The following TRPM7 variants were observed in gnomAD, a reference collection of about 807,000 sequenced individuals.
The protein encoded by TRPM7 is transient receptor potential cation channel subfamily M member 7, also known as LTRPC ion channel family member 7.
A neutral mutation model predicts 229.7 loss-of-function variants in TRPM7; 134 were observed. The observed-to-expected ratio is 0.58, with a 90% CI of 0.51 to 0.67. The LOEUF (loss-of-function observed/expected upper bound fraction) is 0.67. TRPM7 is among the 30% of genes least tolerant of loss of function. The pLI, the probability that TRPM7 is intolerant of heterozygous loss-of-function variation, is 0.00. For synonymous variants in TRPM7, 699 were observed against 715.2 expected (o/e 0.98, Z 0.36); for missense variants, 1,901 against 2,210.0 (o/e 0.86, Z 2.80).
chr15:50,629,805 T>C (rs1353921412), intron 10 of TRPM7, among the ~76,000 whole-genome samples: 2 of 150,522 alleles, frequency 1.3e-5, no homozygotes, highest in Non-Finnish European at 3.0e-5. Context: ...CAGTGGTTAA[T>C]ACACAGAAAA....
At chr15:50,657,657 G>A (rs946582356) in intron 3 of TRPM7, 124 bp downstream of exon 3, 22 of 813,714 alleles carry the variant, frequency 2.7e-5, no homozygotes, top group Non-Finnish European at 4.1e-5. Context: ...TCCAAGTCTA[G>A]GTAAAGTACC....
At chr15:50,636,070 A>G (rs56067915) in intron 7 of TRPM7, among the ~76,000 whole-genome samples, 6 of 151,712 alleles carry the variant, frequency 4.0e-5, no homozygotes, top group Non-Finnish European at 8.8e-5. Context: ...AGACCTCTAG[A>G]AGAGCAACAA....
rs1279453855 is a variant in TRPM7, at chr15:50,650,167, TG to T, written c.123-1283del. Among the ~76,000 whole-genome samples, 7 of 114,882 alleles carry T rather than the reference TG, an allele frequency of 6.1e-5. No individual in the cohort carries two copies. The South Asian group carries it at 1.7e-3, about 28-fold the overall frequency. The allele number at this position is 114,882 out of a possible 152,430, so 75.4% of individuals were successfully genotyped here. A position where few individuals can be genotyped will look rare whatever the true frequency, so the allele number is the denominator to read the frequency against. On this transcript the variant is annotated intron_variant, in intron 3 of 38. Transcript: ENST00000646667. ...GAGATTGGGCCACTGCACTCCAGCC[TG>T]GGTGAAAGAGTGAGACTTTGTCTCA...
intron 4 of TRPM7, among the ~76,000 whole-genome samples, chr15:50,644,226 T>A (rs1462081663): frequency 6.6e-6 from 1 of 151,940 alleles, no homozygotes; most frequent in Admixed American, 6.6e-5. Flanking sequence ...TATAGAAAAA[T>A]AGAAAAAAAA....
At chr15:50,568,109 C>T (rs1458678250) in intron 38 of TRPM7, among the ~76,000 whole-genome samples, 3 of 46,044 alleles carry the variant, frequency 6.5e-5, no homozygotes, top group Non-Finnish European at 1.2e-4. Context: ...GAGACTCTGT[C>T]TCAAAAAAAA....
intron 11 of TRPM7, among the ~76,000 whole-genome samples, chr15:50,627,403 G>A (rs750126246): frequency 1.3e-5 from 2 of 152,040 alleles, no homozygotes; most frequent in South Asian, 4.1e-4. Flanking sequence ...AGCCCACGTG[G>A]GTATGTAGGG....
chr15:50,576,258 T>C (rs2054130525), intron 31 of TRPM7, among the ~76,000 whole-genome samples: 1 of 152,226 alleles, frequency 6.6e-6, no homozygotes, highest in East Asian at 1.9e-4. Flanking sequence ...ACTGTAGCCA[T>C]GTAAATATTT....
intron 1 of TRPM7, among the ~76,000 whole-genome samples, chr15:50,671,815 A>G (rs550244008): frequency 6.6e-6 from 1 of 152,074 alleles, no homozygotes; most frequent in African/African-American, 2.4e-5. Context: ...AAAAAAAAAA[A>G]TTCCTATGGC....
chr15:50,581,515 AATATATATATGTAT>A (rs2054410531), intron 29 of TRPM7, among the ~76,000 whole-genome samples: 1 of 151,428 alleles, frequency 6.6e-6, no homozygotes, highest in African/African-American at 2.4e-5. Context: ...AAAAATAATA[AATATATATATGTAT>A]ATATACATAT....
At chr15:50,587,084 G>A (rs2059363138) in intron 27 of TRPM7, among the ~76,000 whole-genome samples, 1 of 152,044 alleles carries the variant, frequency 6.6e-6, no homozygotes, top group Non-Finnish European at 1.5e-5. Context: ...CAAAACTGTG[G>A]AGAAAAAACG....
intron 20 of TRPM7, among the ~76,000 whole-genome samples, chr15:50,605,581 G>C (rs1195553815): frequency 6.6e-6 from 1 of 152,102 alleles, no homozygotes; most frequent in African/African-American, 2.4e-5. Flanking sequence ...CTGAATATAT[G>C]AATTTTAAGA....
chr15:50,618,009 A>T (rs1447261239), intron 13 of TRPM7, among the ~76,000 whole-genome samples: 1 of 152,194 alleles, frequency 6.6e-6, no homozygotes, highest in Non-Finnish European at 1.5e-5. Flanking sequence ...AAAAGCTGAA[A>T]TAAATAAATA....
intron 21 of TRPM7, among the ~76,000 whole-genome samples, chr15:50,602,201 C>T (rs940869880): frequency 6.6e-6 from 1 of 151,940 alleles, no homozygotes; most frequent in Non-Finnish European, 1.5e-5. Context: ...TACTATGTAG[C>T]CATAAAAAAG....
chr15:50,593,744 A>G lies in TRPM7; in HGVS notation c.3481T>C (p.Phe1161Leu). ...TTCTTTTGATCTTCTTCTGTTAAGAAAAGTTCTATGGGAGGAAAAGGAGAA... is the reference window on the plus strand; with the variant it reads ...TTCTTTTGATCTTCTTCTGTTAAGAGAAGTTCTATGGGAGGAAAAGGAGAA... ...KDKTSDGPKL[F>L]LTEEDQKKLH... Residue 1161 changes from phenylalanine (F) to leucine (L), a missense_variant, in exon 25 of 39, where the codon TTC becomes CTC. Phe to Leu is a conservative substitution (Grantham distance 22). This residue lies in a region of TRPM7 where 533 missense variants were observed against 497.1 expected (regional missense o/e 1.07). Coordinates refer to ENST00000646667, the MANE Select transcript of TRPM7 (RefSeq NM_017672.6). 1 of 1,608,424 alleles carries G rather than the reference A, an allele frequency of 6.2e-7. No individual in the cohort carries two copies.
chr15:50,612,706 T>C lies in TRPM7; in HGVS notation c.1894A>G (p.Met632Val), dbSNP rs747451093. 1 of 1,614,182 alleles carries C rather than the reference T, an allele frequency of 6.2e-7. No individual in the cohort carries two copies. Among genetic ancestry groups the C allele is most frequent in the Non-Finnish European group, 8.5e-7 (1 of 1,180,026 alleles). ...LNELLIWACL[M>V]KRQVMARFLW... ...AAACGGGCCATGACCTGCCTCTTCATAAGGCAAGCCCAAATTAAAAGTTCA... is the reference window on the plus strand; with the variant it reads ...AAACGGGCCATGACCTGCCTCTTCACAAGGCAAGCCCAAATTAAAAGTTCA... The change falls in exon 16 of 39, where the codon ATG becomes GTG. Residue 632 changes from methionine to valine, a missense_variant. This residue lies in a region of TRPM7 where 794 missense variants were observed against 881.9 expected (regional missense o/e 0.90). Transcript: ENST00000646667.
chr15:50,571,096 T>A (rs74726078), intron 36 of TRPM7, among the ~76,000 whole-genome samples: 1 of 152,150 alleles, frequency 6.6e-6, no homozygotes, highest in Non-Finnish European at 1.5e-5. Context: ...CCTACTGATA[T>A]TTTGAATAAT....
intron 3 of TRPM7, among the ~76,000 whole-genome samples, chr15:50,650,256 G>A (rs1032988225): frequency 2.8e-5 from 4 of 145,338 alleles, no homozygotes; most frequent in South Asian, 4.4e-4. Context: ...AAAGCTACTG[G>A]ACAGCAATAG....
At chr15:50,600,296 G>A (rs1321749336) in intron 21 of TRPM7, among the ~76,000 whole-genome samples, 3 of 152,136 alleles carry the variant, frequency 2.0e-5, no homozygotes, top group Admixed American at 1.3e-4. Context: ...ACTTAGCCGG[G>A]CGTGGCGGCA....
chr15:50,662,197 C>T (rs1270943451), intron 2 of TRPM7, among the ~76,000 whole-genome samples: 3 of 152,066 alleles, frequency 2.0e-5, no homozygotes, highest in African/African-American at 4.8e-5. Flanking sequence ...ACTAAAAATA[C>T]AAAAATTTAG....
Sources: allele counts gnomAD v4.1 joint callset (sites outside exome capture counted in the v4.1 genomes callset), GRCh38; gene constraint gnomAD v4.1.1; regional missense constraint gnomAD v4.1.1; transcripts MANE v1.5; gene names NCBI Gene and HGNC (gene_info 2026-07-23, HGNC 2026-07-21).